Variants in PAK3 observed in about 807,000 individuals in gnomAD.
The protein encoded by PAK3 is serine/threonine-protein kinase PAK 3.
In PAK3, 4 loss-of-function variants were observed where a neutral mutation model predicts 41.0. The ratio of observed to expected loss-of-function variants is 0.10; its 90% CI spans 0.05 to 0.22. The LOEUF is 0.22. PAK3 is among the 10% of genes least tolerant of loss of function. The pLI, the probability that PAK3 is intolerant of heterozygous loss-of-function variation, is 1.00. For missense variants in PAK3, 205 were observed against 409.9 expected, an observed-to-expected ratio of 0.50 and a Z score of 4.32; for synonymous variants, 146 against 139.6, an observed-to-expected ratio of 1.05 and a Z score of -0.32.
At chrX:111,021,971 A>C (rs1352824597) in intron 1 of PAK3, among the ~76,000 whole-genome samples, 2 of 111,509 alleles carry the variant, frequency 1.8e-5, no homozygotes, top group Non-Finnish European at 3.8e-5. Context: ...CAATCCATCA[A>C]AGAAAAAGAA....
rs1278340574 is a variant in PAK3 at position 111,178,978 on chromosome X, T to TAGAGAGAGAGAGAGAG, written c.830+5898_830+5899insGAGAGAGAGAGAGAGA. On this transcript the variant is annotated intron_variant, in intron 11 of 17. Coordinates refer to ENST00000372007, the MANE Select transcript of PAK3 (RefSeq NM_002578.5). ...ACTGTTTTATATATATATATATATA[T>TAGAGAGAGAGAGAGAG]ATAGAGAGAGAGATATCTGTATATC... 9.8e-4 allele frequency among the ~76,000 whole-genome samples: 91 copies of TAGAGAGAGAGAGAGAG among 92,561 alleles called. 1 individual carries two copies. Among genetic ancestry groups the TAGAGAGAGAGAGAGAG allele is most frequent in the African/African-American group, 3.5e-3 (84 of 24,269 alleles). 80.4% of individuals were successfully genotyped at this position (92,561 alleles called of 115,157 possible). A position where few individuals can be genotyped will look rare whatever the true frequency, so the allele number is the denominator to read the frequency against.
In PAK3 at chrX:111,108,185, A is replaced by G. The variant is rs181096793; in HGVS notation, c.-28+4879A>G. 4.5e-5 allele frequency among the ~76,000 whole-genome samples: 5 copies of G among 112,176 alleles called. No individual in the cohort carries two copies. In the East Asian group the frequency reaches 1.4e-3, roughly 32 times the overall value. ...TAAGTAGTTGGGGACAGCAGTCAGA[A>G]TTTAGAGAAGTCACTTTCCAAAGTA... On this transcript the variant is annotated intron_variant, in intron 4 of 17. Transcript: ENST00000372007.
intron 1 of PAK3, among the ~76,000 whole-genome samples, chrX:111,065,117 G>A (rs1169446394): frequency 8.9e-6 from 1 of 112,122 alleles, no homozygotes; most frequent in Non-Finnish European, 1.9e-5. Flanking sequence ...GTGAGAGTGA[G>A]CATCCTTGTT....
intron 1 of PAK3, among the ~76,000 whole-genome samples, chrX:111,003,681 G>T (rs2091882811): frequency 8.9e-6 from 1 of 111,740 alleles, no homozygotes; most frequent in Admixed American, 9.5e-5. Context: ...TTTAGCTGTG[G>T]GAGATCAGGG....
intron 16 of PAK3, among the ~76,000 whole-genome samples, chrX:111,215,260 T>C (rs1603400122): frequency 8.9e-6 from 1 of 112,097 alleles, no homozygotes; most frequent in East Asian, 2.8e-4. Flanking sequence ...GCCAGCTTTC[T>C]TGTATCAAGA....
chrX:111,220,413 C>T lies in PAK3; in HGVS notation c.1601C>T (p.Ala534Val), dbSNP rs1212193470. 8.3e-7 allele frequency: 1 copy of T among 1,203,195 alleles called. No individual in the cohort carries two copies. Among genetic ancestry groups the T allele is most frequent in the Non-Finnish European group, 1.1e-6 (1 of 888,315 alleles). ...PLSSLTPLIIAAKEAIKNSSR is the reference protein window; with the variant it reads ...PLSSLTPLIIVAKEAIKNSSR ...TCCAGCCTGACTCCTCTGATTATCG[C>T]TGCAAAGGAAGCAATTAAGAACAGC... is the stretch of plus-strand genomic sequence containing the variant. The change falls in exon 18 of 18, where the codon GCT (alanine) becomes GTT (valine). Residue 534 changes from alanine to valine, a missense_variant. Coordinates refer to ENST00000372007, the MANE Select transcript of PAK3 (RefSeq NM_002578.5).
intron 1 of PAK3, among the ~76,000 whole-genome samples, chrX:111,035,602 G>C (rs1332958185): frequency 1.8e-5 from 2 of 111,800 alleles, no homozygotes; most frequent in African/African-American, 6.5e-5. Context: ...TTTTCCTAGA[G>C]AGAGAAAGAG....
intron 1 of PAK3, among the ~76,000 whole-genome samples, chrX:110,956,324 C>T (rs890027661): frequency 2.7e-5 from 3 of 111,527 alleles, no homozygotes; most frequent in African/African-American, 9.8e-5. Flanking sequence ...ACCTGGTACA[C>T]AGACGTGCTC....
chrX:111,188,624 A>T (rs1015792682), intron 11 of PAK3, among the ~76,000 whole-genome samples: 1 of 111,648 alleles, frequency 9.0e-6, no homozygotes, highest in African/African-American at 3.3e-5. Flanking sequence ...GGAGGTTTGG[A>T]TGGGCCAACT....
At chrX:111,064,278 T>A (rs1430650133) in intron 1 of PAK3, among the ~76,000 whole-genome samples, 2 of 111,851 alleles carry the variant, frequency 1.8e-5, no homozygotes, top group Admixed American at 1.9e-4. Context: ...ATTTACTTAT[T>A]TTTTATTATT....
chrX:110,992,002 G>A (rs2091657717), intron 1 of PAK3, among the ~76,000 whole-genome samples: 1 of 111,604 alleles, frequency 9.0e-6, no homozygotes, highest in Non-Finnish European at 1.9e-5. Context: ...TAAGTACTAT[G>A]GAAAATATCT....
intron 1 of PAK3, among the ~76,000 whole-genome samples, chrX:111,065,251 G>T (rs965675741): frequency 1.5e-4 from 17 of 110,065 alleles, no homozygotes; most frequent in African/African-American, 4.9e-4. Flanking sequence ...GTTTGTTGTG[G>T]GTTTTTATCA....
intron 1 of PAK3, among the ~76,000 whole-genome samples, chrX:110,986,084 A>G (rs2091537416): frequency 8.9e-6 from 1 of 111,905 alleles, no homozygotes; most frequent in African/African-American, 3.2e-5. Context: ...GATGATTGAC[A>G]ATATAAATTT....
rs753509575 is a variant in PAK3, at chrX:111,177,033, AT to A, written c.830+3961del. 9.5e-5 allele frequency among the ~76,000 whole-genome samples: 10 copies of A among 105,419 alleles called. No individual in the cohort carries two copies. In the East Asian group the frequency reaches 1.8e-3, roughly 19 times the overall value. The allele number at this position is 105,419 out of a possible 115,157, so 91.5% of individuals were successfully genotyped here. ...TTTTTACTTAAATGGCTTTCAACTG[AT>A]TTTTTTTTCATTAATTACTGGCCTA... On this transcript the variant is annotated intron_variant, in intron 11 of 17. Coordinates refer to ENST00000372007, the MANE Select transcript of PAK3 (RefSeq NM_002578.5).
chrX:111,064,487 C>G (rs1246119297), intron 1 of PAK3, among the ~76,000 whole-genome samples: 2 of 96,882 alleles, frequency 2.1e-5, no homozygotes, highest in Non-Finnish European at 4.1e-5. Flanking sequence ...TCTATTGCTG[C>G]CATCTTTATA....
chrX:111,136,103 G>GA lies in PAK3; in HGVS notation c.176-5985dup, dbSNP rs201421361. ...AGAAAGTGAAATCAAAGGAATAACTGAAAAAAAAGGAGTCCCTCCATTTAT... is the reference window on the plus strand; with the variant it reads ...AGAAAGTGAAATCAAAGGAATAACTGAAAAAAAAAGGAGTCCCTCCATTTAT... On this transcript the variant is annotated intron_variant, in intron 5 of 17. Coordinates refer to ENST00000372007, the MANE Select transcript of PAK3 (RefSeq NM_002578.5). Among the ~76,000 whole-genome samples, 331 of 110,183 alleles carry GA rather than the reference G, an allele frequency of 3.0e-3. 1 individual carries two copies. Among genetic ancestry groups the GA allele is most frequent in the African/African-American group, 0.01 (308 of 30,338 alleles).
intron 11 of PAK3, among the ~76,000 whole-genome samples, chrX:111,188,771 C>T (rs2149305801): frequency 8.9e-6 from 1 of 112,171 alleles, no homozygotes; most frequent in South Asian, 3.7e-4. Context: ...TAGATTGTGC[C>T]ATGCACAATC....
intron 1 of PAK3, among the ~76,000 whole-genome samples, chrX:111,059,505 A>G (rs915392904): frequency 9.0e-6 from 1 of 111,354 alleles, no homozygotes; most frequent in Non-Finnish European, 1.9e-5. Context: ...TGGGGATTGC[A>G]TCGCATCTAT....
intron 1 of PAK3, among the ~76,000 whole-genome samples, chrX:110,959,152 C>T (rs2090927510): frequency 9.0e-6 from 1 of 111,704 alleles, no homozygotes; most frequent in Non-Finnish European, 1.9e-5. Context: ...AATGTGTGGG[C>T]TAGGTCAGGA....
Sources: gnomAD v4.1 joint callset for allele counts (sites outside exome capture counted in the v4.1 genomes callset) on GRCh38, gnomAD v4.1.1 for gene constraint, MANE v1.5 for transcripts, NCBI Gene and HGNC (gene_info 2026-07-23, HGNC 2026-07-21) for gene names.